MACROH2A1: variants seen among roughly 807,000 people sequenced by gnomAD.
MACROH2A1 encodes the protein core histone macro-H2A.1.
Under a neutral mutation model 31.6 loss-of-function variants are expected in MACROH2A1, and 2 were observed. The observed-to-expected ratio is 0.06, with a 90% CI of 0.03 to 0.20. The LOEUF is 0.20. MACROH2A1 is among the 10% of genes least tolerant of loss of function. The pLI, the probability that MACROH2A1 is intolerant of heterozygous loss-of-function variation, is 1.00. For missense variants in MACROH2A1, 230 were observed against 474.0 expected (o/e 0.49, Z 4.78); for synonymous variants, 169 against 189.6 (o/e 0.89, Z 0.89).
chr5:135,396,117 A>G (rs1767940766), intron 1 of MACROH2A1, among the ~76,000 whole-genome samples: 1 of 152,198 alleles, frequency 6.6e-6, no homozygotes, highest in African/African-American at 2.4e-5. Flanking sequence ...GCAGCTTGCT[A>G]CATTTTAACA....
chr5:135,356,119 T>G (rs1205737649), intron 5 of MACROH2A1: 1 of 152,210 alleles, frequency 6.6e-6, no homozygotes, highest in Non-Finnish European at 1.5e-5. Flanking sequence ...AACCACAGCA[T>G]GAGGAATTTA....
intron 1 of MACROH2A1, among the ~76,000 whole-genome samples, chr5:135,395,642 A>G (rs1285079053): frequency 6.6e-6 from 1 of 152,196 alleles, no homozygotes; most frequent in African/African-American, 2.4e-5. Flanking sequence ...CAAATGATTA[A>G]CGGTGTCACC....
chr5:135,349,452 G>A (rs1312793052), intron 6 of MACROH2A1, among the ~76,000 whole-genome samples: 1 of 152,086 alleles, frequency 6.6e-6, no homozygotes, highest in Non-Finnish European at 1.5e-5. Flanking sequence ...GGCAGACTTG[G>A]CAAATTCTGA....
chr5:135,336,456 C>T (rs1581097482), intron 8 of MACROH2A1, among the ~76,000 whole-genome samples: 2 of 152,192 alleles, frequency 1.3e-5, no homozygotes, highest in East Asian at 3.9e-4. Context: ...TGTGAAGGAG[C>T]CTGCGGGCAA....
At chr5:135,392,414 C>A (rs1354198978) in intron 1 of MACROH2A1, among the ~76,000 whole-genome samples, 1 of 152,194 alleles carries the variant, frequency 6.6e-6, no homozygotes, top group Non-Finnish European at 1.5e-5. Flanking sequence ...TGTCTCCCCA[C>A]CAATGGGGTT....
At position 135,365,682 on chromosome 5, in the gene MACROH2A1, T is replaced by C. The variant is rs1022406685; in HGVS notation, c.477+3724A>G. Among the ~76,000 whole-genome samples the C allele has an allele frequency of 1.1e-4, 17 of 152,224 alleles. 1 individual carries two copies. The highest frequency in any genetic ancestry group is 9.8e-4 in the Admixed American group (15 of 15,292). The stretch of plus-strand genomic sequence containing the variant: ...AAATGTTAAAAAGATGAGGCAGTTT[T>C]TGAGATTAATGTAGTTAAAATGCCC... On this transcript the variant is annotated intron_variant, in intron 4 of 8. Coordinates refer to ENST00000511689, the MANE Select transcript of MACROH2A1 (RefSeq NM_138610.3).
At chr5:135,338,562 CCA>C (rs1481822819) in intron 8 of MACROH2A1, among the ~76,000 whole-genome samples, 2 of 152,196 alleles carry the variant, frequency 1.3e-5, no homozygotes, top group Admixed American at 6.5e-5. Flanking sequence ...GCCTCAGACC[CCA>C]GAGAGCTGCT....
chr5:135,348,973 T>C (rs919486936), intron 6 of MACROH2A1, among the ~76,000 whole-genome samples: 13 of 152,192 alleles, frequency 8.5e-5, no homozygotes, highest in African/African-American at 3.1e-4. Context: ...AAGAGACCCA[T>C]TCCAGTCACA....
At chr5:135,350,557 G>C (rs533506149) in intron 6 of MACROH2A1, 1 of 424,704 alleles carries the variant, frequency 2.4e-6, no homozygotes, top group Non-Finnish European at 4.3e-6. Flanking sequence ...GCTGTGCCTT[G>C]TGGGGCAGGT....
In MACROH2A1 at chr5:135,383,700, G is replaced by GTGGTGT. The variant is rs1554099982; in HGVS notation, c.172+5221_172+5222insACACCA. ...GTCCCTTTCCTGTGTGATGTGGTGTGGTGTGTGTGTGTGTGTGTGTGTGTG... is the reference window on the plus strand; with the variant it reads ...GTCCCTTTCCTGTGTGATGTGGTGTGTGGTGTGTGTGTGTGTGTGTGTGTGTGTGTG... On this transcript the variant is annotated intron_variant, in intron 2 of 8. Transcript: ENST00000511689. Among the ~76,000 whole-genome samples the GTGGTGT allele has an allele frequency of 2.9e-5, 4 of 137,224 alleles. No individual in the cohort carries two copies. The South Asian group carries it at 9.8e-4, about 34-fold the overall frequency. The allele number at this position is 137,224 out of a possible 152,430, so 90.0% of individuals were successfully genotyped here.
chr5:135,366,584 A>T (rs1017973115), intron 4 of MACROH2A1, among the ~76,000 whole-genome samples: 106 of 146,750 alleles, frequency 7.2e-4, no homozygotes, highest in African/African-American at 1.7e-3. Context: ...TTTTTATTTA[A>T]AAAAAAAAAA....
At position 135,369,521 on chromosome 5, in the gene MACROH2A1, T is replaced by A; in HGVS notation, c.362A>T (p.Lys121Ile). The stretch of plus-strand genomic sequence containing the variant: ...TGTGATGATGGCTTCCAACTTTCCT[T>A]TGGATCCCCGCTTCTTCGCTAGCAA... ...PELLAKKRGS[K>I]GKLEAIITPP... The change falls in exon 4 of 9, where the codon AAA becomes ATA. Residue 121 changes from lysine (K) to isoleucine (I), a missense_variant. Physicochemically the swap from Lys to Ile is moderately radical, Grantham distance 102 (BLOSUM62 -3). Around this residue, in one of 2 missense-constraint regions of MACROH2A1, gnomAD observed 183 missense variants for 319.3 expected, o/e 0.57. Transcript: ENST00000511689. This position sits in a 1 kb window ranked among gnomAD's most constrained non-coding sequence, Gnocchi z 4.3. 6.2e-7 allele frequency: 1 copy of A among 1,614,160 alleles called. No individual in the cohort carries two copies. Among genetic ancestry groups the A allele is most frequent in the Non-Finnish European group, 8.5e-7 (1 of 1,179,978 alleles).
rs184181189 is a variant in MACROH2A1 at position 135,358,079 on chromosome 5, A to T, written c.588+2418T>A. On this transcript the variant is annotated intron_variant, in intron 5 of 8. Coordinates refer to ENST00000511689, the MANE Select transcript of MACROH2A1 (RefSeq NM_138610.3). ...AACATTTCCTAAAATCCAAGTCAAA[A>T]TTAATGTCTATAATATTTTAAATGT... 1.8e-5 allele frequency: 18 copies of T among 984,250 alleles called. No homozygotes were observed. In the Admixed American group the frequency reaches 1.1e-3, roughly 60 times the overall value. 61.0% of individuals were successfully genotyped at this position (984,250 alleles called of 1,614,324 possible). A position where few individuals can be genotyped will look rare whatever the true frequency, so the allele number is the denominator to read the frequency against.
At chr5:135,385,894 G>A (rs369370890) in intron 2 of MACROH2A1, among the ~76,000 whole-genome samples, 3 of 152,180 alleles carry the variant, frequency 2.0e-5, no homozygotes, top group African/African-American at 2.4e-5. Context: ...ATGAAGCAGA[G>A]GCCACTCTGC....
intron 8 of MACROH2A1, among the ~76,000 whole-genome samples, chr5:135,342,147 C>A (rs1759998504): frequency 2.0e-5 from 3 of 152,218 alleles, no homozygotes. Context: ...TGGACTTAGA[C>A]CCTTGGTAGG....
intron 5 of MACROH2A1, 27 bp downstream of exon 5, chr5:135,360,470 G>A: frequency 7.0e-7 from 1 of 1,438,478 alleles, no homozygotes; most frequent in Non-Finnish European, 9.8e-7. Flanking sequence ...GGGCCCTCGA[G>A]TAGACTGAGG....
Position 135,369,471 on chromosome 5 carries a change from A to C in MACROH2A1, c.412T>G (p.Ser138Ala). Residue 138 changes from serine to alanine, a missense_variant, in exon 4 of 9, where the codon TCT becomes GCT. Coordinates refer to ENST00000511689, the MANE Select transcript of MACROH2A1 (RefSeq NM_138610.3). The surrounding 1 kb of genome is among the most constrained non-coding windows in gnomAD (Gnocchi z 4.3). Reference protein sequence around the residue: ...ITPPPAKKAKSPSQKKPVSKK... With the variant: ...ITPPPAKKAKAPSQKKPVSKK... ...GATACAGGCTTCTTCTGGGATGGAG[A>C]CTTGGCCTTTTTGGCTGGGGGTGGT... The C allele has an allele frequency of 6.2e-7, 1 of 1,613,950 alleles. No individual in the cohort carries two copies. The highest frequency in any genetic ancestry group is 8.5e-7 in the Non-Finnish European group (1 of 1,179,964).
chr5:135,385,712 C>T (rs931652847), intron 2 of MACROH2A1, among the ~76,000 whole-genome samples: 9 of 152,188 alleles, frequency 5.9e-5, no homozygotes, highest in African/African-American at 2.2e-4. Context: ...TGGCACCTCT[C>T]CAGGGCTCAG....
At chr5:135,370,412 G>C (rs1764032972) in intron 2 of MACROH2A1, among the ~76,000 whole-genome samples, 1 of 152,236 alleles carries the variant, frequency 6.6e-6, no homozygotes, top group South Asian at 2.1e-4. Flanking sequence ...GAGTGAGTGA[G>C]TGGGAGGGCT....
Sources: gnomAD v4.1 joint callset for allele counts (sites outside exome capture counted in the v4.1 genomes callset) on GRCh38, gnomAD v4.1.1 for gene constraint, gnomAD v4.1.1 regional missense constraint, Gnocchi (gnomAD v3.1) non-coding constraint, MANE v1.5 for transcripts, NCBI Gene and HGNC (gene_info 2026-07-23, HGNC 2026-07-21) for gene names.